Variants in PCDHGA7 observed in about 807,000 individuals in gnomAD.
The protein encoded by PCDHGA7 is protocadherin gamma-A7.
A neutral mutation model predicts 58.3 loss-of-function variants in PCDHGA7; 44 were observed. The observed-to-expected ratio is 0.75, with a 90% confidence interval of 0.59 to 0.97. PCDHGA7 has a LOEUF of 0.97. Ranked by LOEUF, PCDHGA7 falls within the 50% of genes least tolerant of loss-of-function variation. The pLI is 0.00. For missense variants in PCDHGA7, 1,266 were observed against 1,188.7 expected, an observed-to-expected ratio of 1.06 and a Z score of -0.96; for synonymous variants, 516 against 504.2, an observed-to-expected ratio of 1.02 and a Z score of -0.31.
At chr5:141,437,225 T>C (rs943242286) in intron 1 of PCDHGA7, among the ~76,000 whole-genome samples, 2 of 152,240 alleles carry the variant, frequency 1.3e-5, no homozygotes, top group Admixed American at 1.3e-4. Flanking sequence ...ATTCCAGTCA[T>C]AAAATTATGT....
At chr5:141,408,148 G>C in intron 1 of PCDHGA7, 2 of 1,504,962 alleles carry the variant, frequency 1.3e-6, no homozygotes, top group Non-Finnish European at 1.8e-6. Context: ...TAGCGCGGTA[G>C]AGTGCACTTT....
intron 1 of PCDHGA7, chr5:141,413,382 CAT>C (rs752944261): frequency 2.5e-6 from 4 of 1,613,998 alleles, no homozygotes; most frequent in Non-Finnish European, 3.4e-6. Flanking sequence ...GCGGAGTCCG[CAT>C]AGTCTCCAGA....
intron 1 of PCDHGA7, among the ~76,000 whole-genome samples, chr5:141,461,391 G>A (rs1310387476): frequency 1.3e-5 from 2 of 152,058 alleles, no homozygotes; most frequent in East Asian, 1.9e-4. Context: ...GATGATTAGC[G>A]ATGTTGAGCA....
In PCDHGA7 at chr5:141,431,961, A is replaced by C; in HGVS notation, c.2424+46638A>C. Reference sequence around the variant, plus strand: ...AAATTAGAAAAATCTTACGGAAATTACTATAGTTTAGTCACAGACATAGTC... The same window carrying C: ...AAATTAGAAAAATCTTACGGAAATTCCTATAGTTTAGTCACAGACATAGTC... On this transcript the variant is annotated intron_variant, in intron 1 of 3. Transcript: ENST00000518325. The surrounding 1 kb of genome is among the most constrained non-coding windows in gnomAD (Gnocchi z 4.8). 1 of 1,614,206 alleles carries C rather than the reference A, an allele frequency of 6.2e-7. No homozygotes were observed.
In PCDHGA7 at chr5:141,477,880, C is replaced by T. The variant is rs763789849; in HGVS notation, c.2425-16927C>T. 10 of 1,614,058 alleles carry T rather than the reference C, an allele frequency of 6.2e-6. No homozygotes were observed. The African/African-American group carries it at 1.2e-4, about 19-fold the overall frequency. ...TGCCTCGAGGTACCTCAGCTGGCCA[C>T]CTAGTGTCACGGGTGGTAGGCTGGG... is the stretch of plus-strand genomic sequence containing the variant. On this transcript the variant is annotated intron_variant, in intron 1 of 3. Transcript: ENST00000518325. The surrounding 1 kb of genome is among the most constrained non-coding windows in gnomAD (Gnocchi z 4.9).
chr5:141,493,340 T>C lies in PCDHGA7; in HGVS notation c.2425-1467T>C, dbSNP rs889623993. Among the ~76,000 whole-genome samples, 1 of 152,202 alleles carries C rather than the reference T, an allele frequency of 6.6e-6. No homozygotes were observed. Among genetic ancestry groups the C allele is most frequent in the Admixed American group, 6.5e-5 (1 of 15,288 alleles). Reference sequence around the variant, plus strand: ...TTCTAACCCCTGTCTAACTCCAGAATGTGTGCTTTTAATTTCTTGGCACTT... The same window carrying C: ...TTCTAACCCCTGTCTAACTCCAGAACGTGTGCTTTTAATTTCTTGGCACTT... On this transcript the variant is annotated intron_variant, in intron 1 of 3. Coordinates refer to ENST00000518325, the MANE Select transcript of PCDHGA7 (RefSeq NM_018920.4). The surrounding 1 kb of genome is among the most constrained non-coding windows in gnomAD (Gnocchi z 4.3).
chr5:141,478,637 G>A (rs1227108157), intron 1 of PCDHGA7: 2 of 1,552,684 alleles, frequency 1.3e-6, no homozygotes, highest in Non-Finnish European at 1.7e-6. Context: ...TTTTAGTGAT[G>A]AAGATGTTTT....
intron 1 of PCDHGA7, chr5:141,428,122 G>A: frequency 6.2e-7 from 1 of 1,606,172 alleles, no homozygotes; most frequent in Non-Finnish European, 8.5e-7. Context: ...ATCGAGCCCG[G>A]GCTTTTCAGC....
In PCDHGA7 at chr5:141,431,141, G is replaced by A. The variant is rs1262504427; in HGVS notation, c.2424+45818G>A. 24 of 1,614,212 alleles carry A rather than the reference G, an allele frequency of 1.5e-5. No individual in the cohort carries two copies. The highest frequency in any genetic ancestry group is 2.0e-5 in the Non-Finnish European group (24 of 1,180,030). On this transcript the variant is annotated intron_variant, in intron 1 of 3. Coordinates refer to ENST00000518325, the MANE Select transcript of PCDHGA7 (RefSeq NM_018920.4). The surrounding 1 kb of genome is among the most constrained non-coding windows in gnomAD (Gnocchi z 4.8). ...AGAAGTAGAAGTAAGGGACATTAAC[G>A]ACAATGCGCCTTACTTTCGTGAAAG...
intron 1 of PCDHGA7, chr5:141,409,921 G>C (rs767370997): frequency 2.7e-5 from 44 of 1,613,404 alleles, no homozygotes; most frequent in Non-Finnish European, 3.7e-5. Context: ...ACGGCTCCGC[G>C]TTCTTCGATA....
Position 141,494,869 on chromosome 5 carries a change from G to A in PCDHGA7, c.2483+4G>A. 6.2e-7 allele frequency: 1 copy of A among 1,614,144 alleles called. No individual in the cohort carries two copies. Among genetic ancestry groups the A allele is most frequent in the Non-Finnish European group, 8.5e-7 (1 of 1,180,010 alleles). On this transcript the variant is annotated splice_donor_region_variant and intron_variant, in intron 2 of 3. Coordinates refer to ENST00000518325, the MANE Select transcript of PCDHGA7 (RefSeq NM_018920.4). The stretch of plus-strand genomic sequence containing the variant: ...CCCAGAGACCCGGCACCAGCGGGTA[G>A]GTGACTGATTCTCCAGCCCACCCTC...
chr5:141,409,459 T>A lies in PCDHGA7; in HGVS notation c.2424+24136T>A, dbSNP rs139792503. 3.7e-6 allele frequency: 6 copies of A among 1,613,832 alleles called. 1 individual carries two copies. The highest frequency in any genetic ancestry group is 3.3e-4 in the Middle Eastern group (2 of 6,084). ...ACCGAGAGCAGACACCAGAATACAATGTCACCATCGTAGCCACTGACAGGG... is the reference window on the plus strand; with the variant it reads ...ACCGAGAGCAGACACCAGAATACAAAGTCACCATCGTAGCCACTGACAGGG... On this transcript the variant is annotated intron_variant, in intron 1 of 3. Transcript: ENST00000518325.
chr5:141,481,934 AAT>A (rs1245984926), intron 1 of PCDHGA7, among the ~76,000 whole-genome samples: 5 of 147,494 alleles, frequency 3.4e-5, no homozygotes, highest in Admixed American at 3.4e-4. Flanking sequence ...AAAAAAAAAA[AAT>A]CAGCCAGATG....
intron 1 of PCDHGA7, among the ~76,000 whole-genome samples, chr5:141,386,991 A>G (rs1218503150): frequency 6.6e-6 from 1 of 152,212 alleles, no homozygotes; most frequent in Non-Finnish European, 1.5e-5. Context: ...GAGGCTATGT[A>G]TTATCCCCCT....
chr5:141,403,533 T>G (rs1307203985), intron 1 of PCDHGA7: 2 of 1,613,992 alleles, frequency 1.2e-6, no homozygotes, highest in African/African-American at 2.7e-5. Flanking sequence ...AACCCAGAGC[T>G]GGTGCTGGAG....
chr5:141,459,503 A>T (rs1346447458), intron 1 of PCDHGA7, among the ~76,000 whole-genome samples: 1 of 152,242 alleles, frequency 6.6e-6, no homozygotes, highest in Non-Finnish European at 1.5e-5. Flanking sequence ...AGTGATGTGA[A>T]CAATCATGTA....
chr5:141,404,261 C>G, intron 1 of PCDHGA7: 1 of 1,613,950 alleles, frequency 6.2e-7, no homozygotes. Flanking sequence ...CACAGAAATT[C>G]ACATCACCCT....
In PCDHGA7 at chr5:141,486,610, C is replaced by G; in HGVS notation, c.2425-8197C>G. 6.2e-7 allele frequency: 1 copy of G among 1,613,620 alleles called. No homozygotes were observed. The highest frequency in any genetic ancestry group is 8.5e-7 in the Non-Finnish European group (1 of 1,180,038). On this transcript the variant is annotated intron_variant, in intron 1 of 3. Coordinates refer to ENST00000518325, the MANE Select transcript of PCDHGA7 (RefSeq NM_018920.4). This position sits in a 1 kb window ranked among gnomAD's most constrained non-coding sequence, Gnocchi z 5.0. ...GGGACCTGCTTTGCTCCCTTGCAGC[C>G]TCTGACCCAGACTCTGGCTTGAATG...
At chr5:141,502,512 T>C (rs1029375922) in intron 2 of PCDHGA7, among the ~76,000 whole-genome samples, 2 of 152,212 alleles carry the variant, frequency 1.3e-5, no homozygotes, top group East Asian at 1.9e-4. Context: ...CCTGTCCCAC[T>C]ATCAGTGATG....
Sources: gnomAD v4.1 joint callset for allele counts (sites outside exome capture counted in the v4.1 genomes callset) on GRCh38, gnomAD v4.1.1 for gene constraint, Gnocchi (gnomAD v3.1) non-coding constraint, MANE v1.5 for transcripts, NCBI Gene and HGNC (gene_info 2026-07-23, HGNC 2026-07-21) for gene names.